ATP2C1: variants seen among roughly 807,000 people sequenced by gnomAD.
ATP2C1 encodes the protein ATPase secretory pathway Ca2+ transporting 1.
A neutral mutation model predicts 120.5 loss-of-function variants in ATP2C1; 31 were observed. The observed-to-expected ratio is 0.26, with a 90% CI of 0.19 to 0.35. The LOEUF (loss-of-function observed/expected upper bound fraction) is 0.35. ATP2C1 is among the 10% of genes least tolerant of loss of function. ATP2C1 has a pLI of 1.00. For synonymous variants in ATP2C1, 351 were observed against 358.7 expected (o/e 0.98, Z 0.24); for missense variants, 731 against 1,107.5 (o/e 0.66, Z 4.83).
intron 1 of ATP2C1, among the ~76,000 whole-genome samples, chr3:130,882,476 C>T (rs1410971591): frequency 4.6e-5 from 7 of 152,286 alleles, no homozygotes; most frequent in Non-Finnish European, 7.4e-5. Flanking sequence ...GCTGGGATTA[C>T]AGACGTGAGC....
intron 12 of ATP2C1, among the ~76,000 whole-genome samples, chr3:130,962,635 G>A (rs2060869578): frequency 6.9e-6 from 1 of 145,912 alleles, no homozygotes; most frequent in South Asian, 2.2e-4. Context: ...TTGCTAAGAT[G>A]ACTTAAATAT....
Position 130,992,934 on chromosome 3 carries a change from A to G in ATP2C1, c.1840-17A>G. ...TCTTAATATTGAAGATTTTTAGTGT[A>G]TCTTGTATTTTAACAGGTTGCAGTA... On this transcript the variant is annotated splice_polypyrimidine_tract_variant and intron_variant, in intron 20 of 27. Coordinates refer to ENST00000510168, the MANE Select transcript of ATP2C1 (RefSeq NM_001378687.1). 1 of 1,602,708 alleles carries G rather than the reference A, an allele frequency of 6.2e-7. No individual in the cohort carries two copies. The highest frequency in any genetic ancestry group is 8.5e-7 in the Non-Finnish European group (1 of 1,170,024).
intron 1 of ATP2C1, among the ~76,000 whole-genome samples, chr3:130,862,602 T>C (rs2068052633): frequency 1.3e-5 from 2 of 152,202 alleles, no homozygotes; most frequent in Admixed American, 1.3e-4. Flanking sequence ...GCTCTGTTTC[T>C]CCTTTACTAC....
At chr3:130,875,094 C>G (rs1009351814) in intron 1 of ATP2C1, among the ~76,000 whole-genome samples, 8 of 152,156 alleles carry the variant, frequency 5.3e-5, no homozygotes, top group African/African-American at 1.9e-4. Flanking sequence ...TAGCATATCC[C>G]TCACCTCAAA....
intron 1 of ATP2C1, among the ~76,000 whole-genome samples, chr3:130,887,825 TCTGA>T (rs2069027653): frequency 6.6e-6 from 1 of 152,196 alleles, no homozygotes; most frequent in Non-Finnish European, 1.5e-5. Flanking sequence ...TCTAACCCAC[TCTGA>T]CTGAGCTGGT....
Position 130,996,073 on chromosome 3 carries a change from T to C in ATP2C1, c.2088T>C (p.Tyr696=). 1 of 1,611,220 alleles carries C rather than the reference T, an allele frequency of 6.2e-7. No homozygotes were observed. The highest frequency in any genetic ancestry group is 8.5e-7 in the Non-Finnish European group (1 of 1,177,484). The change falls in exon 23 of 28, where the codon TAT becomes TAC. Residue 696 remains tyrosine, a synonymous_variant. Coordinates refer to ENST00000510168, the MANE Select transcript of ATP2C1 (RefSeq NM_001378687.1). ...CAATCGAAGAGGGTAAAGGGATTTA[T>C]AATAACATTAAAAATTTCGTTAGAT... The part of the protein sequence containing the change: ...MSAIEEGKGI[Y]NNIKNFVRFQ...
chr3:130,880,259 TGTA>T (rs151057603), intron 1 of ATP2C1, among the ~76,000 whole-genome samples: 2 of 152,302 alleles, frequency 1.3e-5, no homozygotes, highest in African/African-American at 2.4e-5. Context: ...TAGTAGTTGA[TGTA>T]GTAGTTTTGC....
chr3:131,016,241 T>C, exon 27 of ATP2C1: 1 of 1,614,172 alleles, frequency 6.2e-7, no homozygotes, highest in African/African-American at 1.3e-5. Context: ...ATGTGAGCTG[T>C]GTCTAAGTCC....
chr3:130,889,101 C>T (rs2069078505), upstream of ATP2C1, among the ~76,000 whole-genome samples: 1 of 152,186 alleles, frequency 6.6e-6, no homozygotes, highest in Non-Finnish European at 1.5e-5. Flanking sequence ...AGGAATCAAC[C>T]CTGGACAGGA....
Position 131,002,617 on chromosome 3 carries a change from A to C in ATP2C1, c.*1267A>C. ...TTTGAGTATGTGGGCCAGAAATTTA[A>C]AATTAGAAATTTGTTTTTCTGTTGA... On this transcript the variant is annotated 3_prime_UTR_variant, in exon 28 of 28. Coordinates refer to ENST00000510168, the MANE Select transcript of ATP2C1 (RefSeq NM_001378687.1). 1.0e-6 allele frequency: 1 copy of C among 985,408 alleles called. No individual in the cohort carries two copies. Among genetic ancestry groups the C allele is most frequent in the Non-Finnish European group, 1.2e-6 (1 of 829,902 alleles). The allele number at this position is 985,408 out of a possible 1,614,324, so 61.0% of individuals were successfully genotyped here.
chr3:130,985,656 AC>A, intron 20 of ATP2C1, among the ~76,000 whole-genome samples: 1 of 49,440 alleles, frequency 2.0e-5, no homozygotes, highest in East Asian at 6.8e-4. Flanking sequence ...CCCCCGCCCC[AC>A]CAAAAAAAAA....
chr3:130,927,049 T>C (rs912002601), intron 2 of ATP2C1, among the ~76,000 whole-genome samples: 8 of 152,174 alleles, frequency 5.3e-5, no homozygotes, highest in African/African-American at 1.9e-4. Context: ...TCACCTCTAT[T>C]CTTGGACCCC....
At chr3:130,927,231 T>C (rs1490397796) in intron 2 of ATP2C1, among the ~76,000 whole-genome samples, 1 of 150,418 alleles carries the variant, frequency 6.6e-6, no homozygotes, top group Non-Finnish European at 1.5e-5. Context: ...ATCTTTAAGA[T>C]TTTTTTTTTA....
chr3:130,904,206 A>G (rs956224034), intron 2 of ATP2C1, among the ~76,000 whole-genome samples: 3 of 152,066 alleles, frequency 2.0e-5, no homozygotes, highest in Non-Finnish European at 4.4e-5. Flanking sequence ...AACATCTTAT[A>G]TAACCATAGT....
intron 20 of ATP2C1, among the ~76,000 whole-genome samples, chr3:130,981,946 T>C (rs1336143413): frequency 6.6e-6 from 1 of 152,230 alleles, no homozygotes; most frequent in Non-Finnish European, 1.5e-5. Flanking sequence ...TGGATACAAG[T>C]CCTTTATTAG....
chr3:130,916,424 AAAAT>A (rs1253931028), intron 2 of ATP2C1, among the ~76,000 whole-genome samples: 1 of 152,088 alleles, frequency 6.6e-6, no homozygotes, highest in African/African-American at 2.4e-5. Context: ...TCAAAAAATA[AAAAT>A]AAATAAAAAA....
intron 20 of ATP2C1, among the ~76,000 whole-genome samples, chr3:130,983,684 A>G (rs776832270): frequency 3.9e-5 from 6 of 152,184 alleles, no homozygotes; most frequent in Non-Finnish European, 7.4e-5. Context: ...ACTCCGCTTG[A>G]ATCCTTGACA....
intron 8 of ATP2C1, among the ~76,000 whole-genome samples, chr3:130,943,687 A>C (rs1360554989): frequency 5.9e-5 from 9 of 152,154 alleles, no homozygotes; most frequent in Admixed American, 5.9e-4. Context: ...TTACGTATAT[A>C]GTTGAACATT....
In ATP2C1 at chr3:130,999,501, C is replaced by T; in HGVS notation, c.2488-17C>T. 6.2e-7 allele frequency: 1 copy of T among 1,613,070 alleles called. No homozygotes were observed. Among genetic ancestry groups the T allele is most frequent in the South Asian group, 1.1e-5 (1 of 91,024 alleles). ...GTGACCAAGGAGTAATAAATGAACT[C>T]TCTGCTCTGCCAACAGACCAAGTCT... On this transcript the variant is annotated splice_polypyrimidine_tract_variant and intron_variant, in intron 26 of 27. Transcript: ENST00000510168.
Sources: allele counts gnomAD v4.1 joint callset (sites outside exome capture counted in the v4.1 genomes callset), GRCh38; gene constraint gnomAD v4.1.1; transcripts MANE v1.5; gene names NCBI Gene and HGNC (gene_info 2026-07-23, HGNC 2026-07-21).